GLRA3: variants seen among roughly 807,000 people sequenced by gnomAD.
GLRA3 encodes the protein glycine receptor subunit alpha-3.
GLRA3 carries 44 observed loss-of-function variants against 60.4 expected under a neutral mutation model. That is an observed-to-expected ratio of 0.73 (90% confidence interval 0.57 to 0.94). GLRA3 has a LOEUF of 0.94. GLRA3 is among the 40% of genes least tolerant of loss of function. The pLI is 0.00. For missense variants in GLRA3, 508 were observed against 564.6 expected, an observed-to-expected ratio of 0.90 and a Z score of 1.02; for synonymous variants, 223 against 192.9, an observed-to-expected ratio of 1.16 and a Z score of -1.29.
chr4:174,828,756 G>C lies in GLRA3; in HGVS notation c.56C>G (p.Ala19Gly). Residue 19 changes from alanine to glycine, a missense_variant, in exon 1 of 10, where the codon GCA becomes GGA. Transcript: ENST00000274093. ...TLVSGFYFWE[A>G]ALLLSLVATK... ...GCGAACTCACCTGAGTAACAGTGCT[G>C]CTTCCCAGAAGTAAAATCCCGAAAC... 1.2e-6 allele frequency: 2 copies of C among 1,609,580 alleles called. No individual in the cohort carries two copies. Among genetic ancestry groups the C allele is most frequent in the Non-Finnish European group, 1.7e-6 (2 of 1,175,844 alleles).
chr4:174,687,687 C>T (rs2110993418), intron 5 of GLRA3, among the ~76,000 whole-genome samples: 1 of 152,242 alleles, frequency 6.6e-6, no homozygotes, highest in South Asian at 2.1e-4. Context: ...ACACCATGAG[C>T]TTCATAGCTT....
chr4:174,781,563 G>A lies in GLRA3; in HGVS notation c.199+7253C>T, dbSNP rs868461146. 9.3e-3 allele frequency among the ~76,000 whole-genome samples: 1,361 copies of A among 145,820 alleles called. 15 individuals are homozygous for A. The highest frequency in any genetic ancestry group is 0.015 in the Non-Finnish European group (972 of 66,366). ...AAAGGATCAACAAAATTGATAGACC[G>A]CTAGCAAGACTAATAAAGAAAAAAA... On this transcript the variant is annotated intron_variant, in intron 2 of 9. Transcript: ENST00000274093.
rs1273963141 is a variant in GLRA3, at chr4:174,823,518, C to CCA, written c.71+5222_71+5223insTG. ...CCAGCCTGGGCAACAGAGCGAGACT[C>CCA]TGTCTCAAAAAAAGAAAAAAAAAGA... On this transcript the variant is annotated intron_variant, in intron 1 of 9. Transcript: ENST00000274093. Among the ~76,000 whole-genome samples the CCA allele has an allele frequency of 2.8e-3, 420 of 151,944 alleles. 2 individuals are homozygous for CCA. Among genetic ancestry groups the CCA allele is most frequent in the African/African-American group, 9.8e-3 (407 of 41,460 alleles).
At chr4:174,672,728 T>C (rs1733956703) in intron 7 of GLRA3, among the ~76,000 whole-genome samples, 1 of 152,112 alleles carries the variant, frequency 6.6e-6, no homozygotes, top group Non-Finnish European at 1.5e-5. Flanking sequence ...AGAAGAAATG[T>C]TGTAAACCAT....
chr4:174,753,150 C>T (rs188258930), intron 3 of GLRA3, among the ~76,000 whole-genome samples: 10 of 152,146 alleles, frequency 6.6e-5, no homozygotes, highest in East Asian at 1.9e-4. Flanking sequence ...TTAACTCTTG[C>T]GTGCATCTGT....
intron 1 of GLRA3, among the ~76,000 whole-genome samples, chr4:174,814,815 C>A (rs1740419144): frequency 6.6e-6 from 1 of 152,142 alleles, no homozygotes; most frequent in Non-Finnish European, 1.5e-5. Context: ...TGTGGGAATT[C>A]AAGATGTGAT....
At chr4:174,767,111 AT>A in intron 2 of GLRA3, 81 bp from the exon 3 acceptor site, 1 of 723,152 alleles carries the variant, frequency 1.4e-6, no homozygotes, top group Non-Finnish European at 2.5e-6. Context: ...TTCCATTATT[AT>A]TATTCCATTT....
chr4:174,760,924 A>G (rs957107146), intron 3 of GLRA3, among the ~76,000 whole-genome samples: 2 of 152,220 alleles, frequency 1.3e-5, no homozygotes, highest in African/African-American at 2.4e-5. Context: ...GTATCTCAAA[A>G]AAAACATAAA....
chr4:174,644,195 A>C, intron 9 of GLRA3, 131 bp from the exon 10 acceptor site: 1 of 627,308 alleles, frequency 1.6e-6, no homozygotes, highest in South Asian at 2.3e-5. Context: ...ACCGAAGCAT[A>C]TAAAGATGAA....
At chr4:174,767,830 C>T (rs1282440352) in intron 2 of GLRA3, among the ~76,000 whole-genome samples, 2 of 152,014 alleles carry the variant, frequency 1.3e-5, no homozygotes, top group African/African-American at 2.4e-5. Flanking sequence ...GGCACACAGC[C>T]CTATGTGCAT....
chr4:174,676,842 A>G (rs184449130), intron 7 of GLRA3, among the ~76,000 whole-genome samples: 10 of 152,288 alleles, frequency 6.6e-5, no homozygotes, highest in African/African-American at 2.4e-4. Flanking sequence ...TATTATTGAT[A>G]TTTAAATAAT....
At chr4:174,764,426 C>G (rs1738058570) in intron 3 of GLRA3, among the ~76,000 whole-genome samples, 1 of 151,908 alleles carries the variant, frequency 6.6e-6, no homozygotes, top group African/African-American at 2.4e-5. Context: ...AATTCTCAGA[C>G]ATAAATATAT....
At chr4:174,811,185 GTT>G (rs76452779) in intron 1 of GLRA3, among the ~76,000 whole-genome samples, 69 of 113,890 alleles carry the variant, frequency 6.1e-4, no homozygotes, top group African/African-American at 1.3e-3. Flanking sequence ...TTCCCCGCCT[GTT>G]TTTTTTTTTT....
chr4:174,704,699 C>T (rs1410527422), intron 5 of GLRA3, among the ~76,000 whole-genome samples: 1 of 143,738 alleles, frequency 7.0e-6, no homozygotes, highest in Non-Finnish European at 1.5e-5. Context: ...AACCCATTTC[C>T]ATCAATGGAT....
intron 7 of GLRA3, among the ~76,000 whole-genome samples, chr4:174,662,090 C>T (rs926607927): frequency 6.6e-6 from 1 of 152,088 alleles, no homozygotes; most frequent in Non-Finnish European, 1.5e-5. Context: ...GTATTAGTTT[C>T]CGCTCTTATT....
chr4:174,789,325 T>G (rs1256197484), intron 1 of GLRA3, among the ~76,000 whole-genome samples: 1 of 152,222 alleles, frequency 6.6e-6, no homozygotes, highest in African/African-American at 2.4e-5. Context: ...AACTACAATC[T>G]TATTGCTTTT....
At chr4:174,702,809 C>T (rs1038906703) in intron 5 of GLRA3, among the ~76,000 whole-genome samples, 6 of 152,278 alleles carry the variant, frequency 3.9e-5, no homozygotes, top group South Asian at 4.1e-4. Context: ...CTCAAGTGAG[C>T]CTCATGCTTC....
At chr4:174,802,963 T>C (rs1739885151) in intron 1 of GLRA3, among the ~76,000 whole-genome samples, 1 of 152,030 alleles carries the variant, frequency 6.6e-6, no homozygotes, top group South Asian at 2.1e-4. Context: ...AAATTATATA[T>C]CGTTTGTACA....
At chr4:174,826,658 C>A (rs1008263205) in intron 1 of GLRA3, among the ~76,000 whole-genome samples, 2 of 152,222 alleles carry the variant, frequency 1.3e-5, no homozygotes, top group African/African-American at 4.8e-5. Context: ...TTATAAATAT[C>A]TGTGGTTTCT....
Sources: gnomAD v4.1 joint callset for allele counts (sites outside exome capture counted in the v4.1 genomes callset) on GRCh38, gnomAD v4.1.1 for gene constraint, MANE v1.5 for transcripts, NCBI Gene and HGNC (gene_info 2026-07-23, HGNC 2026-07-21) for gene names.